RGS5: variants seen among roughly 807,000 people sequenced by gnomAD.
RGS5 encodes the protein regulator of G-protein signalling 5.
A neutral mutation model predicts 18.9 loss-of-function variants in RGS5; 20 were observed. That is an observed-to-expected ratio of 1.06 (90% confidence interval 0.74 to 1.54). RGS5 has a LOEUF of 1.54. Ranked by LOEUF, RGS5 falls within the 40% of genes most tolerant of loss-of-function variation. The probability of loss-of-function intolerance (pLI) is 0.00; values close to 1 mark genes in which losing one functional copy is unlikely to be tolerated. For synonymous variants in RGS5, 57 were observed against 76.2 expected (o/e 0.75, Z 1.31); for missense variants, 201 against 211.8 (o/e 0.95, Z 0.32).
upstream of RGS5, among the ~76,000 whole-genome samples, chr1:163,207,582 A>G (rs191443590): frequency 4.6e-5 from 7 of 152,300 alleles, no homozygotes; most frequent in African/African-American, 7.2e-5. Context: ...TTGAGCTTCT[A>G]TTCATATACA....
At chr1:163,240,109 T>C (rs1647748539) in intron 2 of RGS5, among the ~76,000 whole-genome samples, 1 of 151,826 alleles carries the variant, frequency 6.6e-6, no homozygotes. Flanking sequence ...GCAATTCCAC[T>C]CTAAGTATTT....
chr1:163,183,073 A>G (rs1159480204), intron 1 of RGS5, among the ~76,000 whole-genome samples: 2 of 152,222 alleles, frequency 1.3e-5, no homozygotes, highest in African/African-American at 2.4e-5. Context: ...CTCATAATAC[A>G]TTTACACAAA....
upstream of RGS5, among the ~76,000 whole-genome samples, chr1:163,220,237 T>A (rs1557909836): frequency 6.6e-6 from 1 of 152,230 alleles, no homozygotes; most frequent in Non-Finnish European, 1.5e-5. Flanking sequence ...TATGTTTTTC[T>A]ACTGGGTTGT....
rs1241527082 is a variant in RGS5, at chr1:163,144,805, A to G, written c.*2537T>C. 2.6e-5 allele frequency: 4 copies of G among 152,576 alleles called. No individual in the cohort carries two copies. The highest frequency in any genetic ancestry group is 5.9e-5 in the Non-Finnish European group (4 of 68,018). The allele number at this position is 152,576 out of a possible 1,614,324, so 9.5% of individuals were successfully genotyped here. ...TTTTTCCCTCTTTTCTAAGTTTCCA[A>G]AAACTTTCAGAAGTGTTCAAAGAAA... On this transcript the variant is annotated 3_prime_UTR_variant, in exon 5 of 5. Transcript: ENST00000313961.
intron 1 of RGS5, among the ~76,000 whole-genome samples, chr1:163,309,075 T>C (rs1270359344): frequency 1.5e-5 from 1 of 66,822 alleles, no homozygotes; most frequent in East Asian, 2.5e-4. Flanking sequence ...ATAGGCTGGG[T>C]GTAGTGGTTC....
chr1:163,268,388 T>G (rs1020823142), intron 2 of RGS5, among the ~76,000 whole-genome samples: 1 of 152,126 alleles, frequency 6.6e-6, no homozygotes, highest in Non-Finnish European at 1.5e-5. Context: ...GTGTGAGAGT[T>G]AAAGTGACTT....
intron 1 of RGS5, chr1:163,306,392 T>C (rs1649700278): frequency 1.3e-5 from 2 of 152,226 alleles, no homozygotes; most frequent in South Asian, 2.1e-4. Flanking sequence ...ATTGGTAATA[T>C]AAAAATAAGT....
chr1:163,243,159 G>A, intron 2 of RGS5, among the ~76,000 whole-genome samples: 1 of 152,090 alleles, frequency 6.6e-6, no homozygotes. Flanking sequence ...GATGAAGCTG[G>A]AAACCATCAT....
At chr1:163,154,142 A>T (rs1657492697) in intron 3 of RGS5, among the ~76,000 whole-genome samples, 1 of 152,072 alleles carries the variant, frequency 6.6e-6, no homozygotes, top group South Asian at 2.1e-4. Flanking sequence ...TTCTGAATTC[A>T]TTTCCTTTGG....
chr1:163,217,887 G>A (rs1660252405), upstream of RGS5, among the ~76,000 whole-genome samples: 1 of 152,166 alleles, frequency 6.6e-6, no homozygotes, highest in Non-Finnish European at 1.5e-5. Flanking sequence ...TTACGGTACT[G>A]TGAGTAACAG....
chr1:163,277,895 A>G (rs1014551416), intron 2 of RGS5, among the ~76,000 whole-genome samples: 50 of 152,328 alleles, frequency 3.3e-4, no homozygotes, highest in African/African-American at 1.1e-3. Context: ...TATAATTGAT[A>G]GCTTCAACAA....
chr1:163,309,688 C>T (rs774662580), intron 1 of RGS5, among the ~76,000 whole-genome samples: 27 of 152,076 alleles, frequency 1.8e-4, no homozygotes, highest in Non-Finnish European at 2.9e-4. Flanking sequence ...TAACTTCTTC[C>T]AAATTCCTAT....
At chr1:163,197,178 C>T (rs917135890) in intron 1 of RGS5, among the ~76,000 whole-genome samples, 3 of 152,034 alleles carry the variant, frequency 2.0e-5, no homozygotes, top group African/African-American at 4.8e-5. Context: ...TCCTTGCTGG[C>T]CTCTGAGAGA....
intron 1 of RGS5, among the ~76,000 whole-genome samples, chr1:163,311,067 A>G (rs566869134): frequency 7.2e-5 from 11 of 152,324 alleles, no homozygotes; most frequent in Middle Eastern, 3.4e-3. Context: ...GATTATGAGG[A>G]TTATAATTCA....
intron 2 of RGS5, among the ~76,000 whole-genome samples, chr1:163,270,444 C>A (rs1648690356): frequency 6.6e-6 from 1 of 151,484 alleles, no homozygotes; most frequent in African/African-American, 2.4e-5. Flanking sequence ...TGCTTGAACC[C>A]AGAAGGTCAA....
intron 1 of RGS5, among the ~76,000 whole-genome samples, chr1:163,171,010 G>GCACA (rs1406799481): frequency 6.6e-6 from 1 of 152,144 alleles, no homozygotes; most frequent in African/African-American, 2.4e-5. Flanking sequence ...GAGTCACTTA[G>GCACA]CACAGCATTT....
chr1:163,219,192 G>A (rs776144783), upstream of RGS5, among the ~76,000 whole-genome samples: 8 of 152,066 alleles, frequency 5.3e-5, no homozygotes, highest in Non-Finnish European at 7.4e-5. Flanking sequence ...TAACACACTC[G>A]TACAACCAGC....
At chr1:163,241,770 A>T (rs1436047209) in intron 2 of RGS5, among the ~76,000 whole-genome samples, 3 of 152,320 alleles carry the variant, frequency 2.0e-5, no homozygotes, top group African/African-American at 7.2e-5. Flanking sequence ...ATTCGTGTAT[A>T]AAAATAAGAT....
At chr1:163,208,664 G>A (rs905117883) in intron 1 of RGS5, among the ~76,000 whole-genome samples, 1 of 151,368 alleles carries the variant, frequency 6.6e-6, no homozygotes, top group Admixed American at 6.6e-5. Context: ...CAGCAAGAAC[G>A]CAAGAGAAGT....
Sources: gnomAD v4.1 joint callset for allele counts (sites outside exome capture counted in the v4.1 genomes callset) on GRCh38, gnomAD v4.1.1 for gene constraint, MANE v1.5 for transcripts, NCBI Gene and HGNC (gene_info 2026-07-23, HGNC 2026-07-21) for gene names.